Variants in ANO6 observed in about 807,000 individuals in gnomAD.
The protein encoded by ANO6 is anoctamin-6.
Under a neutral mutation model 117.5 loss-of-function variants are expected in ANO6, and 106 were observed. The observed-to-expected ratio is 0.90, with a 90% CI of 0.77 to 1.06. ANO6 has a LOEUF of 1.06. Among genes scored for constraint, ANO6 ranks in the 50% least tolerant of loss-of-function variants. The pLI, the probability that ANO6 is intolerant of heterozygous loss-of-function variation, is 0.00. For missense variants in ANO6, 955 were observed against 1,121.1 expected, an observed-to-expected ratio of 0.85 and a Z score of 2.12; for synonymous variants, 367 against 385.1, an observed-to-expected ratio of 0.95 and a Z score of 0.55.
In ANO6 at chr12:45,432,091, ATGTACTCT is replaced by A. The variant is rs1440151996; in HGVS notation, c.*2784_*2791del. ...ACATTAATTCACAATGGGGGTCAGA[ATGTACTCT>A]TGTTGAAACACTTCTTGTACCATTT... On this transcript the variant is annotated 3_prime_UTR_variant, in exon 20 of 20. Coordinates refer to ENST00000320560, the MANE Select transcript of ANO6 (RefSeq NM_001025356.3). 2.0e-6 allele frequency: 2 copies of A among 985,320 alleles called. No homozygotes were observed. Among genetic ancestry groups the A allele is most frequent in the African/African-American group, 3.5e-5 (2 of 57,242 alleles). The allele number at this position is 985,320 out of a possible 1,614,324, so 61.0% of individuals were successfully genotyped here.
At chr12:45,354,277 A>G (rs1941355896) in intron 7 of ANO6, among the ~76,000 whole-genome samples, 2 of 152,186 alleles carry the variant, frequency 1.3e-5, no homozygotes, top group Non-Finnish European at 2.9e-5. Context: ...TCAAGACTCA[A>G]TAGCATTGTG....
chr12:45,297,354 A>G (rs545427198), intron 1 of ANO6, among the ~76,000 whole-genome samples: 26 of 152,226 alleles, frequency 1.7e-4, no homozygotes, highest in Non-Finnish European at 2.9e-5. Context: ...GTTTTAACCA[A>G]GAGTTTCCTG....
chr12:45,377,342 A>C (rs557944399), intron 9 of ANO6, among the ~76,000 whole-genome samples: 1 of 152,346 alleles, frequency 6.6e-6, no homozygotes, highest in South Asian at 2.1e-4. Flanking sequence ...GATAGGCTAC[A>C]TATATAATAG....
chr12:45,246,912 G>A (rs1947834138), intron 1 of ANO6, among the ~76,000 whole-genome samples: 2 of 151,404 alleles, frequency 1.3e-5, no homozygotes, highest in South Asian at 4.2e-4. Context: ...TTACAGTTGT[G>A]TGCCACCACG....
At chr12:45,266,249 G>C (rs890541011) in intron 1 of ANO6, among the ~76,000 whole-genome samples, 6 of 152,112 alleles carry the variant, frequency 3.9e-5, no homozygotes, top group African/African-American at 4.8e-5. Flanking sequence ...AGATTCTATA[G>C]GCAAAGTCTG....
intron 2 of ANO6, among the ~76,000 whole-genome samples, chr12:45,322,567 C>T (rs1940316132): frequency 6.6e-6 from 1 of 152,132 alleles, no homozygotes; most frequent in South Asian, 2.1e-4. Context: ...TTAGGAACAT[C>T]TTTCTGGTGG....
chr12:45,387,846 T>C (rs1942339524), intron 10 of ANO6, among the ~76,000 whole-genome samples: 1 of 152,082 alleles, frequency 6.6e-6, no homozygotes, highest in South Asian at 2.1e-4. Flanking sequence ...TGATAGTGAG[T>C]GAGTTCTCAT....
At chr12:45,389,387 A>AT (rs1942382609) in intron 11 of ANO6, among the ~76,000 whole-genome samples, 2 of 152,252 alleles carry the variant, frequency 1.3e-5, no homozygotes, top group African/African-American at 2.4e-5. Flanking sequence ...AACTTAAACA[A>AT]AATTAGATGT....
In ANO6 at chr12:45,277,200, G is replaced by A. The variant is rs188735994; in HGVS notation, c.71-24814G>A. ...TTGTGTTATAATTTTGGTAAGATCA[G>A]TATGCAGTGTTTACTTTATTATAAC... On this transcript the variant is annotated intron_variant, in intron 1 of 19. Transcript: ENST00000320560. Among the ~76,000 whole-genome samples, 561 of 152,256 alleles carry A rather than the reference G, an allele frequency of 3.7e-3. 11 individuals are homozygous for A. The highest frequency in any genetic ancestry group is 0.035 in the Admixed American group (529 of 15,296).
chr12:45,314,988 G>A (rs905868047), intron 2 of ANO6, among the ~76,000 whole-genome samples: 1 of 152,066 alleles, frequency 6.6e-6, no homozygotes, highest in East Asian at 1.9e-4. Flanking sequence ...GCCTAGAGTT[G>A]ATCTTGGGAA....
intron 1 of ANO6, among the ~76,000 whole-genome samples, chr12:45,285,766 A>G (rs1015115086): frequency 6.6e-6 from 1 of 151,966 alleles, no homozygotes; most frequent in Non-Finnish European, 1.5e-5. Flanking sequence ...AAGGCTCCCA[A>G]GTAATTGTGT....
intron 2 of ANO6, among the ~76,000 whole-genome samples, chr12:45,330,308 T>C (rs1896026): frequency 0.56 from 84,484 of 152,028 alleles, 24,335 homozygotes; most frequent in East Asian, 0.88. Context: ...GGTAAAATTG[T>C]GTAGCTTCTG....
intron 3 of ANO6, among the ~76,000 whole-genome samples, chr12:45,334,884 C>G (rs1940780413): frequency 6.6e-6 from 1 of 151,936 alleles, no homozygotes; most frequent in South Asian, 2.1e-4. Flanking sequence ...TGCTTTCTTC[C>G]AGAACTGCTA....
intron 10 of ANO6, among the ~76,000 whole-genome samples, chr12:45,385,105 C>T (rs1178858240): frequency 6.6e-6 from 1 of 152,166 alleles, no homozygotes; most frequent in African/African-American, 2.4e-5. Context: ...TCATTCGTTA[C>T]ATGCCTACTA....
At chr12:45,259,458 A>G (rs556388944) in intron 1 of ANO6, among the ~76,000 whole-genome samples, 1 of 152,326 alleles carries the variant, frequency 6.6e-6, no homozygotes, top group Admixed American at 6.5e-5. Context: ...CTAGAAATGG[A>G]TAAGGTGAGA....
intron 17 of ANO6, among the ~76,000 whole-genome samples, chr12:45,418,457 A>G (rs1943270004): frequency 6.6e-6 from 1 of 152,248 alleles, no homozygotes. Flanking sequence ...TCAGTCATAA[A>G]ACAATGAACA....
In ANO6 at chr12:45,290,171, A is replaced by T. The variant is rs536674665; in HGVS notation, c.71-11843A>T. On this transcript the variant is annotated intron_variant, in intron 1 of 19. Coordinates refer to ENST00000320560, the MANE Select transcript of ANO6 (RefSeq NM_001025356.3). ...AATAGAGACAATATATACATGTAAA[A>T]TTTTTTTTTTTTTAATTCTGAAAAA... 7.9e-4 allele frequency among the ~76,000 whole-genome samples: 116 copies of T among 147,694 alleles called. 1 individual carries two copies. Among genetic ancestry groups the T allele is most frequent in the Non-Finnish European group, 1.3e-3 (86 of 66,440 alleles).
chr12:45,381,189 T>C (rs1235159791), intron 10 of ANO6, among the ~76,000 whole-genome samples: 4 of 152,222 alleles, frequency 2.6e-5, no homozygotes, highest in Non-Finnish European at 5.9e-5. Flanking sequence ...TTTATGTATA[T>C]GTGCATCTTC....
chr12:45,361,323 T>C (rs1486739998), intron 8 of ANO6, among the ~76,000 whole-genome samples: 1 of 152,158 alleles, frequency 6.6e-6, no homozygotes, highest in South Asian at 2.1e-4. Flanking sequence ...TTCGTTAATT[T>C]AACTTTTGGA....
Sources: gnomAD v4.1 joint callset for allele counts (sites outside exome capture counted in the v4.1 genomes callset) on GRCh38, gnomAD v4.1.1 for gene constraint, MANE v1.5 for transcripts, NCBI Gene and HGNC (gene_info 2026-07-23, HGNC 2026-07-21) for gene names.